The following GRIK2 variants were observed in gnomAD, a reference collection of about 807,000 sequenced individuals.
GRIK2 encodes glutamate ionotropic receptor kainate type subunit 2, also known as glutamate receptor ionotropic, kainate 2.
Under a neutral mutation model 100.3 loss-of-function variants are expected in GRIK2, and 32 were observed. The ratio of observed to expected loss-of-function variants is 0.32; its 90% confidence interval spans 0.24 to 0.43. GRIK2 has a LOEUF of 0.43. Ranked by LOEUF, GRIK2 falls within the 20% of genes least tolerant of loss-of-function variation. The pLI, the probability that GRIK2 is intolerant of heterozygous loss-of-function variation, is 1.00. For missense variants in GRIK2, 843 were observed against 1,114.9 expected, an observed-to-expected ratio of 0.76 and a Z score of 3.47; for synonymous variants, 417 against 389.4, an observed-to-expected ratio of 1.07 and a Z score of -0.83.
At chr6:101,820,562 C>G (rs1781894081) in intron 10 of GRIK2, among the ~76,000 whole-genome samples, 1 of 152,146 alleles carries the variant, frequency 6.6e-6, no homozygotes, top group African/African-American at 2.4e-5. Context: ...TCTCCTGCCT[C>G]AGCTTCCTGA....
intron 4 of GRIK2, among the ~76,000 whole-genome samples, chr6:101,638,196 T>C (rs1206460118): frequency 6.7e-6 from 1 of 148,774 alleles, no homozygotes; most frequent in African/African-American, 2.5e-5. Context: ...GTTTTATTAC[T>C]TTATTTACTC....
chr6:101,829,459 C>A (rs916868983), intron 10 of GRIK2, among the ~76,000 whole-genome samples: 1 of 151,930 alleles, frequency 6.6e-6, no homozygotes, highest in African/African-American at 2.4e-5. Context: ...AACATTATTT[C>A]TCTTCACTGA....
At chr6:101,581,359 G>A (rs536651504) in intron 2 of GRIK2, among the ~76,000 whole-genome samples, 2 of 151,812 alleles carry the variant, frequency 1.3e-5, no homozygotes, top group African/African-American at 2.4e-5. Context: ...AGGATCACAA[G>A]TTGAGGTCCC....
intron 9 of GRIK2, among the ~76,000 whole-genome samples, chr6:101,807,723 A>C (rs2128417021): frequency 6.6e-6 from 1 of 151,868 alleles, no homozygotes; most frequent in Middle Eastern, 3.4e-3. Context: ...GGTGGCAAAA[A>C]ATTGGGAAAC....
At chr6:101,760,364 T>TTA (rs1473903151) in intron 7 of GRIK2, among the ~76,000 whole-genome samples, 1 of 83,328 alleles carries the variant, frequency 1.2e-5, no homozygotes, top group African/African-American at 6.5e-5. Flanking sequence ...TTATATTTAA[T>TTA]TATATATTTA....
chr6:101,638,291 C>A (rs375499569), intron 4 of GRIK2, among the ~76,000 whole-genome samples: 12 of 150,730 alleles, frequency 8.0e-5, no homozygotes, highest in South Asian at 2.1e-4. Context: ...GATAAAAATT[C>A]TTTGCCTTAT....
rs560332635 is a variant in GRIK2 at position 101,977,192 on chromosome 6, GAAAT to G, written c.2085+48566_2085+48569del. Among the ~76,000 whole-genome samples the G allele has an allele frequency of 4.3e-3, 648 of 151,528 alleles. 1 individual carries two copies. The highest frequency in any genetic ancestry group is 6.1e-3 in the Non-Finnish European group (413 of 67,834). On this transcript the variant is annotated intron_variant, in intron 14 of 16. Transcript: ENST00000369134. ...TTTTTTACAAGAGAGGCTATAATAG[GAAAT>G]AAATAGAATGTAGTATATACCTATT...
At chr6:101,945,840 A>T (rs1791237840) in intron 14 of GRIK2, among the ~76,000 whole-genome samples, 1 of 151,254 alleles carries the variant, frequency 6.6e-6, no homozygotes, top group Non-Finnish European at 1.5e-5. Context: ...TGTGACTAGA[A>T]TGTGAATTTC....
chr6:101,596,802 T>G (rs1422670878), intron 2 of GRIK2, among the ~76,000 whole-genome samples: 1 of 151,892 alleles, frequency 6.6e-6, no homozygotes, highest in Middle Eastern at 3.4e-3. Flanking sequence ...TGGAGCAGTA[T>G]AGCCAAAGTA....
intron 14 of GRIK2, among the ~76,000 whole-genome samples, chr6:102,018,686 G>C (rs2114352360): frequency 6.6e-6 from 1 of 152,192 alleles, no homozygotes; most frequent in Non-Finnish European, 1.5e-5. Context: ...GGGGACAGCA[G>C]TTTGCCCTGT....
intron 2 of GRIK2, among the ~76,000 whole-genome samples, chr6:101,551,736 G>A (rs1776518725): frequency 6.6e-6 from 1 of 152,060 alleles, no homozygotes; most frequent in Non-Finnish European, 1.5e-5. Context: ...ACTTCCTCCC[G>A]AGCATTATCT....
chr6:101,813,863 T>A (rs1693129248), intron 9 of GRIK2, among the ~76,000 whole-genome samples: 1 of 151,454 alleles, frequency 6.6e-6, no homozygotes, highest in African/African-American at 2.4e-5. Flanking sequence ...CTTGGGAGGC[T>A]GAGGTGGGGA....
At chr6:101,951,100 G>A (rs968143893) in intron 14 of GRIK2, among the ~76,000 whole-genome samples, 1 of 152,136 alleles carries the variant, frequency 6.6e-6, no homozygotes, top group African/African-American at 2.4e-5. Flanking sequence ...ATATTTTACT[G>A]TGATGTTAGT....
chr6:101,790,404 T>A (rs1203350327), intron 7 of GRIK2, among the ~76,000 whole-genome samples: 1 of 152,178 alleles, frequency 6.6e-6, no homozygotes, highest in African/African-American at 2.4e-5. Context: ...TTATTGAGAA[T>A]TTTTAGCATG....
At chr6:101,923,105 G>A (rs757909272) in intron 12 of GRIK2, among the ~76,000 whole-genome samples, 1 of 152,050 alleles carries the variant, frequency 6.6e-6, no homozygotes, top group Admixed American at 6.5e-5. Context: ...AAACAAGGGT[G>A]TTCTAAAATT....
At chr6:101,573,763 G>C (rs541791569) in intron 2 of GRIK2, among the ~76,000 whole-genome samples, 8 of 152,118 alleles carry the variant, frequency 5.3e-5, no homozygotes, top group African/African-American at 1.9e-4. Context: ...CATGTAACCT[G>C]TAAATACAAA....
At chr6:101,741,145 A>C (rs1323218440) in intron 7 of GRIK2, among the ~76,000 whole-genome samples, 2 of 152,228 alleles carry the variant, frequency 1.3e-5, no homozygotes, top group East Asian at 3.9e-4. Context: ...CCCTGAGGAC[A>C]CTGGTTGTCA....
intron 9 of GRIK2, among the ~76,000 whole-genome samples, chr6:101,806,256 G>A (rs1395217248): frequency 1.3e-5 from 2 of 152,042 alleles, no homozygotes; most frequent in African/African-American, 4.8e-5. Flanking sequence ...AAGGAAAACA[G>A]AATAAGTGAT....
rs530899946 is a variant in GRIK2 at position 101,806,840 on chromosome 6, G to T, written c.1203+4402G>T. Reference sequence around the variant, plus strand: ...AAGTTTAAATTTCTCCTAATGCTCTGCCCTTTTTAATTTCTGACTCTATCA... The same window carrying T: ...AAGTTTAAATTTCTCCTAATGCTCTTCCCTTTTTAATTTCTGACTCTATCA... On this transcript the variant is annotated intron_variant, in intron 9 of 16. Transcript: ENST00000369134. Among the ~76,000 whole-genome samples the T allele has an allele frequency of 7.3e-5, 11 of 151,432 alleles. No individual in the cohort carries two copies. In the East Asian group the frequency reaches 1.8e-3, roughly 24 times the overall value.
Sources: gnomAD v4.1 joint callset for allele counts (sites outside exome capture counted in the v4.1 genomes callset) on GRCh38, gnomAD v4.1.1 for gene constraint, MANE v1.5 for transcripts, NCBI Gene and HGNC (gene_info 2026-07-23, HGNC 2026-07-21) for gene names.